Variants in STK32B observed in about 807,000 individuals in gnomAD.
STK32B encodes the protein serine/threonine-protein kinase 32B.
In STK32B, 43 loss-of-function variants were observed where a neutral mutation model predicts 52.6. That is an observed-to-expected ratio of 0.82 (90% CI 0.64 to 1.05). The LOEUF (loss-of-function observed/expected upper bound fraction) is 1.05, where lower values mean the gene tolerates loss of function less well. Ranked by LOEUF, STK32B falls within the 50% of genes least tolerant of loss-of-function variation. The pLI, the probability that STK32B is intolerant of heterozygous loss-of-function variation, is 0.00. For missense variants in STK32B, 621 were observed against 534.6 expected (o/e 1.16, Z -1.59); for synonymous variants, 238 against 204.3 (o/e 1.17, Z -1.41).
intron 1 of STK32B, among the ~76,000 whole-genome samples, chr4:5,059,237 A>G (rs1369193202): frequency 6.6e-6 from 1 of 151,568 alleles, no homozygotes; most frequent in Non-Finnish European, 1.5e-5. Flanking sequence ...GCTGCTCATT[A>G]CCACAGTATA....
chr4:5,311,798 T>C (rs1349433791), intron 3 of STK32B, among the ~76,000 whole-genome samples: 1 of 151,980 alleles, frequency 6.6e-6, no homozygotes, highest in African/African-American at 2.4e-5. Flanking sequence ...GAAAATTAAA[T>C]CAGGCTCAGA....
At chr4:5,177,333 A>G (rs1211269820) in intron 3 of STK32B, among the ~76,000 whole-genome samples, 2 of 152,114 alleles carry the variant, frequency 1.3e-5, no homozygotes, top group East Asian at 3.8e-4. Flanking sequence ...TCTTATGAGA[A>G]CTCAGTATCA....
chr4:5,303,186 G>T (rs1022821112), intron 3 of STK32B, among the ~76,000 whole-genome samples: 1 of 151,910 alleles, frequency 6.6e-6, no homozygotes, highest in African/African-American at 2.4e-5. Flanking sequence ...TTTTCCTCAG[G>T]GTAGATACCC....
intron 11 of STK32B, among the ~76,000 whole-genome samples, chr4:5,485,531 A>G (rs1463390347): frequency 6.6e-6 from 1 of 152,056 alleles, no homozygotes; most frequent in Non-Finnish European, 1.5e-5. Flanking sequence ...CATGGGCTCA[A>G]ACTTCCTCCT....
chr4:5,072,207 T>TTTG (rs1242109783), intron 1 of STK32B, among the ~76,000 whole-genome samples: 1 of 152,302 alleles, frequency 6.6e-6, no homozygotes, highest in African/African-American at 2.4e-5. Flanking sequence ...CAACTCTGTC[T>TTTG]TTGTTGTTGT....
intron 11 of STK32B, among the ~76,000 whole-genome samples, chr4:5,481,941 T>C (rs916630053): frequency 1.3e-5 from 2 of 152,220 alleles, no homozygotes; most frequent in African/African-American, 4.8e-5. Context: ...TCCATTGGTC[T>C]GTATCTCTGT....
intron 11 of STK32B, among the ~76,000 whole-genome samples, chr4:5,485,637 C>T (rs1316089972): frequency 5.3e-5 from 8 of 152,200 alleles, no homozygotes; most frequent in Non-Finnish European, 8.8e-5. Flanking sequence ...TGAGGAGCTG[C>T]GTTCCTTTGG....
chr4:5,259,392 G>T (rs1014328963), intron 3 of STK32B, among the ~76,000 whole-genome samples: 3 of 152,190 alleles, frequency 2.0e-5, no homozygotes, highest in Non-Finnish European at 4.4e-5. Context: ...CAGAGGCAGA[G>T]TAGCTTTGTG....
At chr4:5,097,058 T>C (rs1713442105) in intron 1 of STK32B, among the ~76,000 whole-genome samples, 1 of 152,210 alleles carries the variant, frequency 6.6e-6, no homozygotes, top group Non-Finnish European at 1.5e-5. Context: ...TGCACCCCAA[T>C]TGGTCCAGTT....
intron 8 of STK32B, among the ~76,000 whole-genome samples, chr4:5,457,662 G>C (rs1417006363): frequency 2.6e-5 from 4 of 151,346 alleles, no homozygotes; most frequent in African/African-American, 9.7e-5. Context: ...GAGGTCAGGA[G>C]TTCGAGACCA....
chr4:5,414,570 A>G (rs563588227), intron 5 of STK32B, among the ~76,000 whole-genome samples: 28 of 152,288 alleles, frequency 1.8e-4, no homozygotes, highest in African/African-American at 6.0e-4. Flanking sequence ...CACTGTGGGT[A>G]TATATTCTTA....
At chr4:5,178,588 T>A (rs1720107954) in intron 3 of STK32B, among the ~76,000 whole-genome samples, 1 of 152,236 alleles carries the variant, frequency 6.6e-6, no homozygotes, top group Admixed American at 6.5e-5. Context: ...TTTGCACATT[T>A]TCCAAACGTT....
chr4:5,093,800 T>C (rs889538507), intron 1 of STK32B, among the ~76,000 whole-genome samples: 1 of 152,224 alleles, frequency 6.6e-6, no homozygotes, highest in Non-Finnish European at 1.5e-5. Context: ...TAGTGATCTC[T>C]TGTAGTTCTG....
At chr4:5,316,912 TATGATATAA>T in intron 3 of STK32B, among the ~76,000 whole-genome samples, 2 of 21,354 alleles carry the variant, frequency 9.4e-5, no homozygotes, top group South Asian at 1.5e-3. Flanking sequence ...ATATAATATA[TATGATATAA>T]TATATATAAT....
intron 3 of STK32B, among the ~76,000 whole-genome samples, chr4:5,274,271 G>A (rs1448750357): frequency 6.6e-6 from 1 of 152,058 alleles, no homozygotes; most frequent in East Asian, 1.9e-4. Context: ...TGTAGTATTG[G>A]TGCCGAGACA....
At chr4:5,382,187 T>C (rs1440960374) in intron 4 of STK32B, among the ~76,000 whole-genome samples, 1 of 152,172 alleles carries the variant, frequency 6.6e-6, no homozygotes, top group African/African-American at 2.4e-5. Context: ...CACTGAAACA[T>C]GCAGAAGAAT....
At chr4:5,023,588 A>G in the STK32B span, among the ~76,000 whole-genome samples, 1 of 152,084 alleles carries the variant, frequency 6.6e-6, no homozygotes, top group African/African-American at 2.4e-5. Flanking sequence ...TGTTAAGACC[A>G]TTCTCATTCT....
intron 3 of STK32B, among the ~76,000 whole-genome samples, chr4:5,259,196 A>ATATATT (rs1276143306): frequency 6.6e-6 from 1 of 152,140 alleles, no homozygotes; most frequent in Non-Finnish European, 1.5e-5. Flanking sequence ...AATCAACATT[A>ATATATT]TATATTTATA....
chr4:5,303,876 C>G (rs1729741523), intron 3 of STK32B, among the ~76,000 whole-genome samples: 1 of 150,924 alleles, frequency 6.6e-6, no homozygotes, highest in Non-Finnish European at 1.5e-5. Flanking sequence ...AGATGAGGAT[C>G]CAGTTGCATT....
Sources: allele counts gnomAD v4.1 joint callset (sites outside exome capture counted in the v4.1 genomes callset), GRCh38; gene constraint gnomAD v4.1.1; transcripts MANE v1.5; gene names NCBI Gene and HGNC (gene_info 2026-07-23, HGNC 2026-07-21).